Variants in FBN2 observed in about 807,000 individuals in gnomAD.
The protein encoded by FBN2 is fibrillin 2.
A neutral mutation model predicts 355.6 loss-of-function variants in FBN2; 105 were observed. That is an observed-to-expected ratio of 0.30 (90% confidence interval 0.25 to 0.35). The LOEUF (loss-of-function observed/expected upper bound fraction) is 0.35. FBN2 is among the 10% of genes least tolerant of loss of function. FBN2 has a pLI of 1.00. For missense variants in FBN2, 3,280 were observed against 3,758.7 expected (o/e 0.87, Z 3.33); for synonymous variants, 1,350 against 1,301.2 (o/e 1.04, Z -0.81).
chr5:128,506,267 A>C (rs1231281188), intron 5 of FBN2, among the ~76,000 whole-genome samples: 1 of 152,140 alleles, frequency 6.6e-6, no homozygotes, highest in African/African-American at 2.4e-5. Context: ...TTGGGAGAAG[A>C]GATACCCCAC....
intron 6 of FBN2, among the ~76,000 whole-genome samples, chr5:128,450,750 A>G (rs1448513802): frequency 1.3e-5 from 2 of 152,074 alleles, no homozygotes; most frequent in Non-Finnish European, 2.9e-5. Context: ...AAATACAAGT[A>G]AAAAAATCAG....
At chr5:128,296,200 G>A in intron 48 of FBN2, among the ~76,000 whole-genome samples, 1 of 150,850 alleles carries the variant, frequency 6.6e-6, no homozygotes, top group Non-Finnish European at 1.5e-5. Flanking sequence ...CTTGATCATG[G>A]TGGATAAGCT....
chr5:128,287,374 A>C lies in FBN2; in HGVS notation c.6814T>G (p.Phe2272Val), dbSNP rs1749185390. 4 of 1,614,044 alleles carry C rather than the reference A, an allele frequency of 2.5e-6. No homozygotes were observed. The highest frequency in any genetic ancestry group is 3.4e-6 in the Non-Finnish European group (4 of 1,179,924). The change falls in exon 54 of 65, where the codon TTT becomes GTT. Residue 2272 changes from phenylalanine to valine, a missense_variant. Around this residue, in one of 6 missense-constraint regions of FBN2, gnomAD observed 2,284 missense variants for 2,749.5 expected, o/e 0.83. Transcript: ENST00000262464. Reference sequence around the variant, plus strand: ...GGGCACGTGCATTCATAGGACCCAAAAGTGTTCATGCAGCGGAAAGCACAC... The same window carrying C: ...GGGCACGTGCATTCATAGGACCCAACAGTGTTCATGCAGCGGAAAGCACAC... Reference protein sequence around the residue: ...LLCAFRCMNTFGSYECTCPIG... With the variant: ...LLCAFRCMNTVGSYECTCPIG...
At chr5:128,317,676 A>G (rs1441139644) in intron 36 of FBN2, among the ~76,000 whole-genome samples, 1 of 152,130 alleles carries the variant, frequency 6.6e-6, no homozygotes, top group South Asian at 2.1e-4. Flanking sequence ...CTGAACCTTC[A>G]TTACGGCCTC....
At chr5:128,473,586 C>A (rs143096389) in intron 5 of FBN2, among the ~76,000 whole-genome samples, 1 of 152,314 alleles carries the variant, frequency 6.6e-6, no homozygotes, top group Non-Finnish European at 1.5e-5. Flanking sequence ...TACCCCTACA[C>A]TATGTTCCTT....
intron 41 of FBN2, among the ~76,000 whole-genome samples, chr5:128,307,750 C>A (rs1581204864): frequency 6.6e-6 from 1 of 150,474 alleles, no homozygotes; most frequent in African/African-American, 2.4e-5. Context: ...AAAATAGGGA[C>A]TATAAGAAGT....
Position 128,290,592 on chromosome 5 carries a change from G to A in FBN2, c.6445+140C>T, listed in dbSNP as rs936324116. On this transcript the variant is annotated intron_variant, in intron 50 of 64. Transcript: ENST00000262464. ...TGAAAGAAGTTTCTCAGGCTAGGTT[G>A]TTCAATGAACCATCAAAACTTATAT... The A allele has an allele frequency of 1.2e-5, 10 of 862,708 alleles. No individual in the cohort carries two copies. The African/African-American group carries it at 1.5e-4, about 13-fold the overall frequency. The allele number at this position is 862,708 out of a possible 1,614,324, so 53.4% of individuals were successfully genotyped here. A position where few individuals can be genotyped will look rare whatever the true frequency, so the allele number is the denominator to read the frequency against.
chr5:128,392,650 G>A (rs1049361320), intron 10 of FBN2, among the ~76,000 whole-genome samples: 1 of 152,186 alleles, frequency 6.6e-6, no homozygotes, highest in South Asian at 2.1e-4. Flanking sequence ...GGTGAGGAAA[G>A]GAAAGATATG....
chr5:128,358,533 C>A lies in FBN2; in HGVS notation c.2555-1138G>T, dbSNP rs186635382. Among the ~76,000 whole-genome samples, 7 of 152,120 alleles carry A rather than the reference C, an allele frequency of 4.6e-5. No individual in the cohort carries two copies. In the East Asian group the frequency reaches 1.4e-3, roughly 29 times the overall value. ...AGAGCAAGGCTCGCAGCGGAATATCCAGGTGCTAATTTAATTCTTGAAATA... is the reference window on the plus strand; with the variant it reads ...AGAGCAAGGCTCGCAGCGGAATATCAAGGTGCTAATTTAATTCTTGAAATA... On this transcript the variant is annotated intron_variant, in intron 19 of 64. Coordinates refer to ENST00000262464, the MANE Select transcript of FBN2 (RefSeq NM_001999.4).
At chr5:128,329,228 C>T (rs1334440527) in intron 33 of FBN2, among the ~76,000 whole-genome samples, 1 of 152,052 alleles carries the variant, frequency 6.6e-6, no homozygotes, top group Admixed American at 6.6e-5. Context: ...AAATAACTGG[C>T]TTTTTCACTA....
At position 128,307,119 on chromosome 5, in the gene FBN2, A is replaced by G. The variant is rs773359980; in HGVS notation, c.5422+16T>C. 6.5e-7 allele frequency: 1 copy of G among 1,547,628 alleles called. No individual in the cohort carries two copies. Among genetic ancestry groups the G allele is most frequent in the South Asian group, 1.1e-5 (1 of 89,612 alleles). ...ACACATATGTATTAAAACAAACATAATCTGGAAAAACTCACCAACAGCTTT... is the reference window on the plus strand; with the variant it reads ...ACACATATGTATTAAAACAAACATAGTCTGGAAAAACTCACCAACAGCTTT... On this transcript the variant is annotated intron_variant, in intron 42 of 64. Transcript: ENST00000262464.
At chr5:128,440,823 C>T (rs550811807) in intron 7 of FBN2, among the ~76,000 whole-genome samples, 2 of 152,306 alleles carry the variant, frequency 1.3e-5, no homozygotes, top group African/African-American at 4.8e-5. Flanking sequence ...AACTGAATAT[C>T]TAACATATCA....
rs181353629 is a variant in FBN2 at position 128,272,901 on chromosome 5, C to G, written c.7841-783G>C. 4.8e-3 allele frequency among the ~76,000 whole-genome samples: 734 copies of G among 152,076 alleles called. 7 individuals carry two copies. Among genetic ancestry groups the G allele is most frequent in the African/African-American group, 0.017 (707 of 41,518 alleles). ...AGCTGTAGGTTAAGAATACTTTCAA[C>G]GTCTCAACGATTTGAAAGATAAAAT... On this transcript the variant is annotated intron_variant, in intron 61 of 64. Transcript: ENST00000262464.
intron 6 of FBN2, among the ~76,000 whole-genome samples, chr5:128,447,101 C>T (rs186066697): frequency 6.6e-5 from 10 of 152,216 alleles, no homozygotes; most frequent in African/African-American, 1.7e-4. Flanking sequence ...CTGTCATCTT[C>T]GTAAGCTGAG....
At chr5:128,443,783 A>G (rs144357733) in intron 7 of FBN2, among the ~76,000 whole-genome samples, 13 of 152,338 alleles carry the variant, frequency 8.5e-5, no homozygotes, top group African/African-American at 2.6e-4. Flanking sequence ...AAATCTGCCA[A>G]TAGTACTATG....
chr5:128,509,872 G>A (rs1173384655), intron 5 of FBN2, among the ~76,000 whole-genome samples: 3 of 150,186 alleles, frequency 2.0e-5, no homozygotes, highest in Non-Finnish European at 4.4e-5. Context: ...CCTCTAATCT[G>A]GTTAGAGAGG....
intron 7 of FBN2, among the ~76,000 whole-genome samples, chr5:128,428,849 C>T (rs1360197509): frequency 2.0e-5 from 3 of 152,136 alleles, no homozygotes. Flanking sequence ...GTGGCAGGTC[C>T]AAAGCCTAGT....
At chr5:128,381,939 A>C (rs1311780450) in intron 11 of FBN2, among the ~76,000 whole-genome samples, 1 of 151,990 alleles carries the variant, frequency 6.6e-6, no homozygotes, top group Non-Finnish European at 1.5e-5. Context: ...TTTTTCCAAA[A>C]CATCATATTT....
rs749959760 is a variant in FBN2, at chr5:128,338,118, A to C, written c.3477T>G (p.Ile1159Met). ...GGAGAGGGTTACGTTCACATTCGTCAATGTCTGAAAGGTAAAAACGTGAGA... is the reference window on the plus strand; with the variant it reads ...GGAGAGGGTTACGTTCACATTCGTCCATGTCTGAAAGGTAAAAACGTGAGA... ...GFMMMKNCMD[I>M]DECERNPLLC... Residue 1159 changes from isoleucine (I) to methionine (M), a missense_variant, in exon 27 of 65, where the codon ATT (isoleucine) becomes ATG (methionine). Transcript: ENST00000262464. 2 of 1,614,044 alleles carry C rather than the reference A, an allele frequency of 1.2e-6. No individual in the cohort carries two copies. The highest frequency in any genetic ancestry group is 2.2e-5 in the South Asian group (2 of 91,078).
Sources: gnomAD v4.1 joint callset for allele counts (sites outside exome capture counted in the v4.1 genomes callset) on GRCh38, gnomAD v4.1.1 for gene constraint, gnomAD v4.1.1 regional missense constraint, MANE v1.5 for transcripts, NCBI Gene and HGNC (gene_info 2026-07-23, HGNC 2026-07-21) for gene names.